NUDT3: variants seen among roughly 807,000 people sequenced by gnomAD.
NUDT3 encodes nudix hydrolase 3.
NUDT3 carries 9 observed loss-of-function variants against 23.6 expected under a neutral mutation model. That is an observed-to-expected ratio of 0.38 (90% CI 0.23 to 0.66). The LOEUF (loss-of-function observed/expected upper bound fraction) is 0.66. Among genes scored for constraint, NUDT3 ranks in the 30% least tolerant of loss-of-function variants. NUDT3 has a pLI of 0.52. For synonymous variants in NUDT3, 86 were observed against 82.6 expected (o/e 1.04, Z -0.22); for missense variants, 172 against 218.5 (o/e 0.79, Z 1.34).
chr6:34,391,153 CTG>C (rs1765192694), intron 1 of NUDT3, among the ~76,000 whole-genome samples: 1 of 152,232 alleles, frequency 6.6e-6, no homozygotes, highest in African/African-American at 2.4e-5. Flanking sequence ...GGCAATCCAT[CTG>C]TCTCTTTCGC....
intron 1 of NUDT3, among the ~76,000 whole-genome samples, chr6:34,376,538 A>G (rs1232337608): frequency 6.6e-6 from 1 of 152,000 alleles, no homozygotes; most frequent in African/African-American, 2.4e-5. Flanking sequence ...CCGCCTCCCA[A>G]AGTGCTGGGA....
chr6:34,333,962 A>G (rs1387143092), intron 2 of NUDT3, among the ~76,000 whole-genome samples: 1 of 152,200 alleles, frequency 6.6e-6, no homozygotes, highest in Non-Finnish European at 1.5e-5. Context: ...CACAAAATAA[A>G]AGCAGTAAGC....
chr6:34,382,569 G>C (rs1419839334), intron 1 of NUDT3, among the ~76,000 whole-genome samples: 1 of 151,276 alleles, frequency 6.6e-6, no homozygotes, highest in African/African-American at 2.4e-5. Flanking sequence ...ACTTTGGAAG[G>C]TCAAGGCAGG....
chr6:34,307,165 T>A (rs1581855849), intron 2 of NUDT3, among the ~76,000 whole-genome samples: 1 of 152,230 alleles, frequency 6.6e-6, no homozygotes, highest in South Asian at 2.1e-4. Flanking sequence ...TCCCAGCCAC[T>A]TGGGAGGCTG....
chr6:34,313,275 T>G (rs1362606425), intron 2 of NUDT3, among the ~76,000 whole-genome samples: 1 of 152,124 alleles, frequency 6.6e-6, no homozygotes, highest in African/African-American at 2.4e-5. Flanking sequence ...TACTGTATAT[T>G]CCAACTATAA....
intron 2 of NUDT3, among the ~76,000 whole-genome samples, chr6:34,337,873 A>G (rs2113731963): frequency 6.6e-6 from 1 of 152,336 alleles, no homozygotes; most frequent in Non-Finnish European, 1.5e-5. Flanking sequence ...AGGTCTTGTA[A>G]TAATCTGTCT....
chr6:34,382,944 G>A (rs947367630), intron 1 of NUDT3, among the ~76,000 whole-genome samples: 14 of 151,900 alleles, frequency 9.2e-5, no homozygotes, highest in Non-Finnish European at 1.2e-4. Context: ...TGGCTAAGGT[G>A]GTGAAACCCC....
chr6:34,382,768 C>A (rs559593963), intron 1 of NUDT3, among the ~76,000 whole-genome samples: 101 of 151,614 alleles, frequency 6.7e-4, no homozygotes, highest in African/African-American at 2.3e-3. Context: ...GAGGTCAAGG[C>A]TGCAGTTAGC....
chr6:34,382,501 C>A (rs1213717106), intron 1 of NUDT3, among the ~76,000 whole-genome samples: 1 of 152,014 alleles, frequency 6.6e-6, no homozygotes, highest in Non-Finnish European at 1.5e-5. Context: ...ATTAGGATTT[C>A]TAAATATTCA....
chr6:34,326,712 T>C (rs1764037289), intron 2 of NUDT3, among the ~76,000 whole-genome samples: 1 of 152,080 alleles, frequency 6.6e-6, no homozygotes, highest in Non-Finnish European at 1.5e-5. Context: ...GCAATTCTCC[T>C]GCCTCAGCCT....
chr6:34,367,321 T>G (rs575382350), intron 1 of NUDT3, among the ~76,000 whole-genome samples: 1 of 151,870 alleles, frequency 6.6e-6, no homozygotes, highest in African/African-American at 2.4e-5. Flanking sequence ...GTCCCTACAA[T>G]TAACACAAAA....
At chr6:34,326,415 C>T (rs539093291) in intron 2 of NUDT3, among the ~76,000 whole-genome samples, 12 of 152,154 alleles carry the variant, frequency 7.9e-5, no homozygotes, top group Non-Finnish European at 1.6e-4. Context: ...AGTTAAAATT[C>T]GGAACACAGC....
intron 3 of NUDT3, among the ~76,000 whole-genome samples, chr6:34,294,454 C>T (rs1036985927): frequency 6.6e-5 from 10 of 151,748 alleles, no homozygotes; most frequent in Admixed American, 1.3e-4. Flanking sequence ...TTGCCAGGGG[C>T]GGTGGCTCAT....
At chr6:34,377,914 A>G (rs1400093640) in intron 1 of NUDT3, among the ~76,000 whole-genome samples, 1 of 152,026 alleles carries the variant, frequency 6.6e-6, no homozygotes, top group Non-Finnish European at 1.5e-5. Flanking sequence ...GGCTACTGTT[A>G]GTTACAGTGC....
chr6:34,382,240 A>T (rs1462166529), intron 1 of NUDT3, among the ~76,000 whole-genome samples: 1 of 151,456 alleles, frequency 6.6e-6, no homozygotes, highest in African/African-American at 2.4e-5. Flanking sequence ...TACAAAAAAT[A>T]AAAAAAATAT....
intron 1 of NUDT3, among the ~76,000 whole-genome samples, chr6:34,346,442 G>A (rs1357124048): frequency 6.6e-6 from 1 of 152,116 alleles, no homozygotes; most frequent in Admixed American, 6.5e-5. Flanking sequence ...TGAAGTTACA[G>A]TCCAAAAGAA....
chr6:34,384,373 T>C (rs1250950578), intron 1 of NUDT3, among the ~76,000 whole-genome samples: 1 of 152,230 alleles, frequency 6.6e-6, no homozygotes, highest in Non-Finnish European at 1.5e-5. Context: ...CAGGGAAATC[T>C]AACTCACACA....
At chr6:34,329,922 A>T (rs565345787) in intron 2 of NUDT3, among the ~76,000 whole-genome samples, 9 of 152,254 alleles carry the variant, frequency 5.9e-5, no homozygotes, top group Admixed American at 3.3e-4. Flanking sequence ...TCCTTGTGAC[A>T]GTTTGCTCAG....
chr6:34,323,654 C>T (rs1377489608), intron 2 of NUDT3, among the ~76,000 whole-genome samples: 3 of 152,166 alleles, frequency 2.0e-5, no homozygotes, highest in African/African-American at 7.2e-5. Flanking sequence ...AAAAGAAATA[C>T]ATGCTAAAGA....
Sources: gnomAD v4.1 joint callset for allele counts (sites outside exome capture counted in the v4.1 genomes callset) on GRCh38, gnomAD v4.1.1 for gene constraint, MANE v1.5 for transcripts, NCBI Gene and HGNC (gene_info 2026-07-23, HGNC 2026-07-21) for gene names.